Variants in KCNH1 observed in about 807,000 individuals in gnomAD.
The protein encoded by KCNH1 is potassium voltage-gated channel subfamily H member 1.
KCNH1 carries 27 observed loss-of-function variants against 69.2 expected under a neutral mutation model. That is an observed-to-expected ratio of 0.39 (90% CI 0.29 to 0.54). The LOEUF (loss-of-function observed/expected upper bound fraction) is 0.54, where lower values mean the gene tolerates loss of function less well. KCNH1 is among the 20% of genes least tolerant of loss of function. The pLI is 0.68. For missense variants in KCNH1, 798 were observed against 1,261.6 expected, an observed-to-expected ratio of 0.63 and a Z score of 5.57; for synonymous variants, 456 against 487.7, an observed-to-expected ratio of 0.93 and a Z score of 0.86.
chr1:210,798,903 A>G (rs1327247072), intron 8 of KCNH1, among the ~76,000 whole-genome samples: 1 of 152,248 alleles, frequency 6.6e-6, no homozygotes. Flanking sequence ...ATTGCTAAAC[A>G]CTTTAGAATC....
At chr1:210,997,329 A>T (rs6702598) in intron 6 of KCNH1, among the ~76,000 whole-genome samples, 50,087 of 152,034 alleles carry the variant, frequency 0.33, 8,655 homozygotes, top group Non-Finnish European at 0.38. Context: ...GAGCTGATGC[A>T]GCTGAAAGCC....
intron 6 of KCNH1, among the ~76,000 whole-genome samples, chr1:210,936,389 A>G (rs1012051785): frequency 1.3e-5 from 2 of 152,140 alleles, no homozygotes; most frequent in African/African-American, 4.8e-5. Flanking sequence ...GCTTTCCGCC[A>G]GCACCCTGCT....
intron 7 of KCNH1, among the ~76,000 whole-genome samples, chr1:210,885,290 C>T (rs888023588): frequency 2.0e-5 from 3 of 152,184 alleles, no homozygotes; most frequent in Non-Finnish European, 4.4e-5. Context: ...CATCACCTCA[C>T]CCAGGAAGCA....
intron 10 of KCNH1, among the ~76,000 whole-genome samples, chr1:210,698,432 A>G (rs1045533048): frequency 2.0e-5 from 3 of 152,328 alleles, no homozygotes; most frequent in Middle Eastern, 3.4e-3. Flanking sequence ...GCCCTAAGAG[A>G]AGAATAGATA....
intron 6 of KCNH1, among the ~76,000 whole-genome samples, chr1:210,944,316 C>A (rs1394945184): frequency 6.6e-6 from 1 of 152,172 alleles, no homozygotes; most frequent in Non-Finnish European, 1.5e-5. Flanking sequence ...TAATTTAAAT[C>A]CCTTTCCTGG....
intron 6 of KCNH1, among the ~76,000 whole-genome samples, chr1:210,923,143 G>A (rs150048091): frequency 1.4e-3 from 214 of 152,324 alleles, no homozygotes; most frequent in Non-Finnish European, 2.4e-3. Flanking sequence ...AGAAAAAGGA[G>A]GAAGAATCAA....
chr1:210,763,663 A>G (rs1236385113), intron 10 of KCNH1, among the ~76,000 whole-genome samples: 1 of 152,102 alleles, frequency 6.6e-6, no homozygotes, highest in Non-Finnish European at 1.5e-5. Context: ...TAACCAAGCA[A>G]GTAAAAGACC....
chr1:210,718,533 TATATACATATATGTATATATATAA>T (rs1682351540), intron 10 of KCNH1, among the ~76,000 whole-genome samples: 2 of 84,434 alleles, frequency 2.4e-5, no homozygotes, highest in African/African-American at 8.4e-5. Flanking sequence ...ATATATAAAA[TATATACATATATGTATATATATAA>T]AATATATACA....
At chr1:210,881,099 C>A (rs373191791) in intron 7 of KCNH1, among the ~76,000 whole-genome samples, 6 of 151,644 alleles carry the variant, frequency 4.0e-5, no homozygotes, top group East Asian at 3.9e-4. Context: ...CTCACTGCAA[C>A]CTCTGCCTCC....
At chr1:210,963,985 A>T (rs1192695381) in intron 6 of KCNH1, among the ~76,000 whole-genome samples, 1 of 152,156 alleles carries the variant, frequency 6.6e-6, no homozygotes, top group Non-Finnish European at 1.5e-5. Context: ...CAAGACACAT[A>T]ATTGTCAGAT....
intron 7 of KCNH1, among the ~76,000 whole-genome samples, chr1:210,815,711 G>A (rs1448170755): frequency 6.6e-6 from 1 of 152,096 alleles, no homozygotes; most frequent in Non-Finnish European, 1.5e-5. Context: ...CCACCAGGAG[G>A]TTGCCTTGAG....
chr1:210,725,542 G>C (rs1187083664), intron 10 of KCNH1, among the ~76,000 whole-genome samples: 1 of 152,148 alleles, frequency 6.6e-6, no homozygotes, highest in Non-Finnish European at 1.5e-5. Context: ...CTGGGGGTAG[G>C]GGGTGATCAG....
intron 10 of KCNH1, among the ~76,000 whole-genome samples, chr1:210,691,090 T>C (rs913101766): frequency 6.6e-6 from 1 of 152,266 alleles, no homozygotes; most frequent in African/African-American, 2.4e-5. Flanking sequence ...ATAATGTAAG[T>C]AAGCCCTTAA....
At chr1:210,800,443 C>T (rs1684405215) in intron 8 of KCNH1, among the ~76,000 whole-genome samples, 3 of 152,176 alleles carry the variant, frequency 2.0e-5, no homozygotes, top group Admixed American at 1.3e-4. Context: ...CTAGACTTTA[C>T]TCTTCCCCTG....
chr1:210,806,806 C>CTA lies in KCNH1; in HGVS notation c.1463-2641_1463-2640insTA, dbSNP rs1558477653. Reference sequence around the variant, plus strand: ...CCAATATGGTGAAACCCCATCTCTACCAAAAAAAAAAAAAAAAAAAAAAAA... The same window carrying CTA: ...CCAATATGGTGAAACCCCATCTCTACTACAAAAAAAAAAAAAAAAAAAAAAAA... On this transcript the variant is annotated intron_variant, in intron 7 of 10. Coordinates refer to ENST00000271751, the MANE Select transcript of KCNH1 (RefSeq NM_172362.3). Among the ~76,000 whole-genome samples, 71 of 86,254 alleles carry CTA rather than the reference C, an allele frequency of 8.2e-4. 10 individuals carry two copies. Among genetic ancestry groups the CTA allele is most frequent in the Middle Eastern group, 0.013 (2 of 150 alleles). The allele number at this position is 86,254 out of a possible 152,430, so 56.6% of individuals were successfully genotyped here. A position where few individuals can be genotyped will look rare whatever the true frequency, so the allele number is the denominator to read the frequency against.
chr1:210,998,502 A>T (rs1689099453), intron 6 of KCNH1, among the ~76,000 whole-genome samples: 2 of 151,972 alleles, frequency 1.3e-5, no homozygotes, highest in South Asian at 4.2e-4. Context: ...GAGCACCCAG[A>T]TTCATAAAGC....
chr1:211,079,087 A>C (rs1326157854), intron 5 of KCNH1, among the ~76,000 whole-genome samples: 1 of 152,114 alleles, frequency 6.6e-6, no homozygotes, highest in Non-Finnish European at 1.5e-5. Context: ...ATAAAGAAGG[A>C]AAGAGAGAAG....
chr1:210,861,096 T>C (rs1406863868), intron 7 of KCNH1: 3 of 890,554 alleles, frequency 3.4e-6, no homozygotes, highest in Non-Finnish European at 5.6e-6. Flanking sequence ...AACAAAAGCT[T>C]CTGGGCAGCA....
intron 7 of KCNH1, among the ~76,000 whole-genome samples, chr1:210,917,381 G>A (rs1687369839): frequency 6.6e-6 from 1 of 152,046 alleles, no homozygotes; most frequent in African/African-American, 2.4e-5. Flanking sequence ...CTGACTCTCA[G>A]AAGGTGGGAA....
Sources: allele counts gnomAD v4.1 joint callset (sites outside exome capture counted in the v4.1 genomes callset), GRCh38; gene constraint gnomAD v4.1.1; transcripts MANE v1.5; gene names NCBI Gene and HGNC (gene_info 2026-07-23, HGNC 2026-07-21).